The following NAALADL2 variants were observed in gnomAD, a reference collection of about 807,000 sequenced individuals.
NAALADL2 encodes N-acetylated alpha-linked acidic dipeptidase like 2.
NAALADL2 carries 76 observed loss-of-function variants against 87.2 expected under a neutral mutation model. The ratio of observed to expected loss-of-function variants is 0.87; its 90% CI spans 0.72 to 1.05. The LOEUF (loss-of-function observed/expected upper bound fraction) is 1.05, where lower values mean the gene tolerates loss of function less well. NAALADL2 is among the 50% of genes least tolerant of loss of function. The pLI is 0.00. For missense variants in NAALADL2, 1,089 were observed against 945.8 expected, an observed-to-expected ratio of 1.15 and a Z score of -1.99; for synonymous variants, 354 against 331.0, an observed-to-expected ratio of 1.07 and a Z score of -0.75.
At chr3:174,736,027 G>T (rs551266733) in intron 2 of NAALADL2, among the ~76,000 whole-genome samples, 17 of 152,254 alleles carry the variant, frequency 1.1e-4, no homozygotes, top group Admixed American at 9.8e-4. Flanking sequence ...CCTGGGTGCT[G>T]GCTCCCTGTG....
At position 175,471,700 on chromosome 3, in the gene NAALADL2, G is replaced by T. The variant is rs770621881; in HGVS notation, c.1595G>T (p.Arg532Met). ...VAYISLHSPIRGNSSLYPVAS... is the reference protein window; with the variant it reads ...VAYISLHSPIMGNSSLYPVAS... ...TATATTAGCCTCCACAGTCCCATAAGGGGGAACTCTAGTCTGTATCCTGTA... is the reference window on the plus strand; with the variant it reads ...TATATTAGCCTCCACAGTCCCATAATGGGGAACTCTAGTCTGTATCCTGTA... Residue 532 changes from arginine (R) to methionine (M), a missense_variant, in exon 9 of 14, where the codon AGG becomes ATG. Physicochemically the swap from Arg to Met is moderately conservative, Grantham distance 91. Coordinates refer to ENST00000454872, the MANE Select transcript of NAALADL2 (RefSeq NM_207015.3). 4.4e-6 allele frequency: 7 copies of T among 1,601,388 alleles called. No individual in the cohort carries two copies. Among genetic ancestry groups the T allele is most frequent in the Non-Finnish European group, 4.3e-6 (5 of 1,170,696 alleles).
intron 2 of NAALADL2, among the ~76,000 whole-genome samples, chr3:174,579,043 TCA>T (rs1312815166): frequency 1.3e-5 from 2 of 151,796 alleles, no homozygotes; most frequent in Non-Finnish European, 2.9e-5. Context: ...AGAATAAAAA[TCA>T]CACAGAGACC....
chr3:174,639,407 C>T (rs4365637), intron 2 of NAALADL2, among the ~76,000 whole-genome samples: 83,165 of 151,984 alleles, frequency 0.55, 23,005 homozygotes, highest in Middle Eastern at 0.67. Flanking sequence ...CTAGACCTCA[C>T]TGTGGGTCTT....
In NAALADL2 at chr3:175,013,301, A is replaced by AT. The variant is rs753716843; in HGVS notation, c.44-83474dup. Among the ~76,000 whole-genome samples, 298 of 72,038 alleles carry AT rather than the reference A, an allele frequency of 4.1e-3. 8 individuals carry two copies. Among genetic ancestry groups the AT allele is most frequent in the South Asian group, 0.011 (21 of 1,844 alleles). 47.3% of individuals were successfully genotyped at this position (72,038 alleles called of 152,430 possible). A position where few individuals can be genotyped will look rare whatever the true frequency, so the allele number is the denominator to read the frequency against. On this transcript the variant is annotated intron_variant, in intron 1 of 13. Coordinates refer to ENST00000454872, the MANE Select transcript of NAALADL2 (RefSeq NM_207015.3). Reference sequence around the variant, plus strand: ...TACATATATATATATATATATATATATTTTTTTTTTTTTTTGAGACAGGGT... The same window carrying AT: ...TACATATATATATATATATATATATATTTTTTTTTTTTTTTTGAGACAGGGT...
In NAALADL2 at chr3:175,031,066, A is replaced by G. The variant is rs565856488; in HGVS notation, c.44-65724A>G. Among the ~76,000 whole-genome samples, 307 of 152,226 alleles carry G rather than the reference A, an allele frequency of 2.0e-3. 1 individual carries two copies. The highest frequency in any genetic ancestry group is 3.3e-3 in the Non-Finnish European group (223 of 68,000). ...AGTTAAATATCATGCATGATATTATAAAACTGTTAAATACATTAGAACAAA... is the reference window on the plus strand; with the variant it reads ...AGTTAAATATCATGCATGATATTATGAAACTGTTAAATACATTAGAACAAA... On this transcript the variant is annotated intron_variant, in intron 1 of 13. Coordinates refer to ENST00000454872, the MANE Select transcript of NAALADL2 (RefSeq NM_207015.3).
At chr3:174,561,321 C>T (rs1713590214) in intron 2 of NAALADL2, among the ~76,000 whole-genome samples, 1 of 151,640 alleles carries the variant, frequency 6.6e-6, no homozygotes, top group African/African-American at 2.4e-5. Context: ...TATCTCAGCC[C>T]TCCGAGTAGC....
At chr3:174,646,459 T>TTG (rs1464915872) in intron 2 of NAALADL2, among the ~76,000 whole-genome samples, 1 of 152,066 alleles carries the variant, frequency 6.6e-6, no homozygotes, top group African/African-American at 2.4e-5. Flanking sequence ...GGCTATGTGT[T>TTG]TGTGTGTGTG....
At chr3:175,306,751 C>A (rs1260034576) in intron 4 of NAALADL2, among the ~76,000 whole-genome samples, 1 of 152,140 alleles carries the variant, frequency 6.6e-6, no homozygotes. Flanking sequence ...GAGGCTGAGG[C>A]AGGAGGATCG....
chr3:175,405,478 A>AT (rs527311325), intron 5 of NAALADL2, among the ~76,000 whole-genome samples: 2 of 151,972 alleles, frequency 1.3e-5, no homozygotes, highest in Non-Finnish European at 2.9e-5. Flanking sequence ...ATATACGATA[A>AT]TTTTTTTTCA....
At chr3:175,677,581 T>G (rs1734992264) in intron 11 of NAALADL2, among the ~76,000 whole-genome samples, 1 of 151,628 alleles carries the variant, frequency 6.6e-6, no homozygotes, top group Admixed American at 6.6e-5. Flanking sequence ...AATAGCTCAT[T>G]GGTAATTTAT....
intron 4 of NAALADL2, among the ~76,000 whole-genome samples, chr3:175,291,682 A>G (rs973692801): frequency 3.9e-5 from 6 of 152,112 alleles, no homozygotes; most frequent in Non-Finnish European, 1.5e-5. Flanking sequence ...AGGAATGAAG[A>G]CTCCTGAATA....
intron 2 of NAALADL2, among the ~76,000 whole-genome samples, chr3:175,110,075 C>T (rs943619470): frequency 2.2e-4 from 34 of 151,820 alleles, no homozygotes; most frequent in African/African-American, 7.7e-4. Flanking sequence ...ATTGCCTCAT[C>T]GCTTTCAGTT....
At chr3:175,455,899 C>T (rs1232131687) in intron 6 of NAALADL2, among the ~76,000 whole-genome samples, 2 of 151,880 alleles carry the variant, frequency 1.3e-5, no homozygotes, top group Non-Finnish European at 1.5e-5. Context: ...TTTCTAGAGC[C>T]AGGTGGACAA....
At chr3:175,469,548 A>G (rs1724571015) in intron 8 of NAALADL2, among the ~76,000 whole-genome samples, 1 of 152,074 alleles carries the variant, frequency 6.6e-6, no homozygotes, top group Admixed American at 6.5e-5. Context: ...TTATTAGAGA[A>G]TTGATTCAAT....
intron 2 of NAALADL2, among the ~76,000 whole-genome samples, chr3:174,563,740 T>G (rs1713903414): frequency 6.6e-6 from 1 of 152,322 alleles, no homozygotes; most frequent in African/African-American, 2.4e-5. Context: ...AACTTGTGAT[T>G]TAATTACATT....
chr3:175,201,287 G>T (rs889472206), intron 2 of NAALADL2, among the ~76,000 whole-genome samples: 1 of 152,130 alleles, frequency 6.6e-6, no homozygotes, highest in African/African-American at 2.4e-5. Context: ...AAACATGTCA[G>T]AGTTGATAAA....
intron 4 of NAALADL2, among the ~76,000 whole-genome samples, chr3:175,281,777 G>T (rs868340930): frequency 5.9e-5 from 9 of 151,782 alleles, no homozygotes; most frequent in South Asian, 2.1e-4. Flanking sequence ...TTTCAATTTT[G>T]TTTATACAAA....
chr3:174,549,787 C>T (rs146812702), intron 1 of NAALADL2, among the ~76,000 whole-genome samples: 1 of 152,292 alleles, frequency 6.6e-6, no homozygotes, highest in African/African-American at 2.4e-5. Flanking sequence ...CCCTCCCCAT[C>T]CAGGTCACAT....
At chr3:174,989,992 T>G (rs1247158572) in intron 1 of NAALADL2, among the ~76,000 whole-genome samples, 1 of 152,278 alleles carries the variant, frequency 6.6e-6, no homozygotes, top group South Asian at 2.1e-4. Context: ...GTAGCATTGG[T>G]TATAAATTCC....
Sources: gnomAD v4.1 joint callset for allele counts (sites outside exome capture counted in the v4.1 genomes callset) on GRCh38, gnomAD v4.1.1 for gene constraint, MANE v1.5 for transcripts, NCBI Gene and HGNC (gene_info 2026-07-23, HGNC 2026-07-21) for gene names.